SDK1: variants seen among roughly 807,000 people sequenced by gnomAD.
The protein encoded by SDK1 is protein sidekick-1.
A neutral mutation model predicts 245.5 loss-of-function variants in SDK1; 157 were observed. That is an observed-to-expected ratio of 0.64 (90% CI 0.56 to 0.73). The LOEUF is 0.73. Among genes scored for constraint, SDK1 ranks in the 30% least tolerant of loss-of-function variants. The pLI is 0.00. For synonymous variants in SDK1, 1,647 were observed against 1,278.5 expected, an observed-to-expected ratio of 1.29 and a Z score of -6.15; for missense variants, 3,583 against 3,002.3, an observed-to-expected ratio of 1.19 and a Z score of -4.52.
intron 1 of SDK1, among the ~76,000 whole-genome samples, chr7:3,528,878 T>C (rs1783244280): frequency 6.6e-6 from 1 of 152,144 alleles, no homozygotes; most frequent in Non-Finnish European, 1.5e-5. Context: ...TTTTATGGGC[T>C]CTTCCTGATC....
chr7:3,435,413 C>T (rs1054164905), intron 1 of SDK1, among the ~76,000 whole-genome samples: 16 of 146,990 alleles, frequency 1.1e-4, no homozygotes, highest in Non-Finnish European at 1.8e-4. Context: ...TCACTGCAAC[C>T]TCTGCCTCCC....
chr7:3,923,021 C>T (rs1779647594), intron 5 of SDK1, among the ~76,000 whole-genome samples: 1 of 152,228 alleles, frequency 6.6e-6, no homozygotes. Context: ...ATTGTATGCA[C>T]TATCCAGTCT....
At chr7:3,339,569 T>A (rs113942049) in intron 1 of SDK1, among the ~76,000 whole-genome samples, 1 of 152,094 alleles carries the variant, frequency 6.6e-6, no homozygotes, top group South Asian at 2.1e-4. Context: ...CCTACAGAAT[T>A]TGTTCTGTGG....
At position 3,744,827 on chromosome 7, in the gene SDK1, C is replaced by CAA. The variant is rs912254384; in HGVS notation, c.714-76615_714-76614dup. Among the ~76,000 whole-genome samples, 1,136 of 146,422 alleles carry CAA rather than the reference C, an allele frequency of 7.8e-3. 13 individuals are homozygous for CAA. Among genetic ancestry groups the CAA allele is most frequent in the African/African-American group, 0.027 (1,058 of 39,924 alleles). Reference sequence around the variant, plus strand: ...ACTCCATCTCAAAAAAACAAACAAACAAAAAAAAACAAAAAGAAAAAGAAA... The same window carrying CAA: ...ACTCCATCTCAAAAAAACAAACAAACAAAAAAAAAAACAAAAAGAAAAAGAAA... On this transcript the variant is annotated intron_variant, in intron 4 of 44. Coordinates refer to ENST00000404826, the MANE Select transcript of SDK1 (RefSeq NM_152744.4).
intron 2 of SDK1, among the ~76,000 whole-genome samples, chr7:3,621,624 G>T (rs927905349): frequency 6.6e-6 from 1 of 152,116 alleles, no homozygotes; most frequent in African/African-American, 2.4e-5. Context: ...CCAAGAACAG[G>T]CCTTTGTGTA....
intron 5 of SDK1, among the ~76,000 whole-genome samples, chr7:3,941,257 C>G (rs1780358010): frequency 1.3e-5 from 2 of 152,138 alleles, no homozygotes; most frequent in African/African-American, 4.8e-5. Context: ...TTGGACTTTG[C>G]AGCCTTTTCC....
At chr7:4,118,860 A>T (rs1473255183) in intron 25 of SDK1, among the ~76,000 whole-genome samples, 1 of 148,886 alleles carries the variant, frequency 6.7e-6, no homozygotes, top group African/African-American at 2.5e-5. Flanking sequence ...ATTTGTAGGA[A>T]ACATCTAGAA....
chr7:3,956,733 T>C (rs1450347468), intron 7 of SDK1, among the ~76,000 whole-genome samples: 1 of 152,186 alleles, frequency 6.6e-6, no homozygotes, highest in Non-Finnish European at 1.5e-5. Context: ...TGGCATGCTG[T>C]GTGCCAAACA....
chr7:3,941,075 C>T (rs1780350262), intron 5 of SDK1, among the ~76,000 whole-genome samples: 1 of 152,070 alleles, frequency 6.6e-6, no homozygotes, highest in South Asian at 2.1e-4. Flanking sequence ...CGTCTGTCTC[C>T]TGAGCTTTCT....
rs547699996 is a variant in SDK1 at position 3,693,888 on chromosome 7, T to A, written c.713+51783T>A. The stretch of plus-strand genomic sequence containing the variant: ...TCTCATTTTCTCCTTCCTGCACATT[T>A]GTCTCTGCCTTGACCCTGACCTCTG... On this transcript the variant is annotated intron_variant, in intron 4 of 44. Coordinates refer to ENST00000404826, the MANE Select transcript of SDK1 (RefSeq NM_152744.4). Among the ~76,000 whole-genome samples the A allele has an allele frequency of 6.0e-4, 92 of 152,288 alleles. 1 individual carries two copies. Among genetic ancestry groups the A allele is most frequent in the African/African-American group, 2.2e-3 (91 of 41,570 alleles).
chr7:3,918,754 C>T (rs1191960451), intron 5 of SDK1, among the ~76,000 whole-genome samples: 1 of 152,158 alleles, frequency 6.6e-6, no homozygotes. Context: ...ACCTGCATGC[C>T]ACTCAGGTCT....
intron 43 of SDK1, among the ~76,000 whole-genome samples, chr7:4,245,020 G>T (rs1187047322): frequency 6.6e-6 from 1 of 152,202 alleles, no homozygotes; most frequent in Non-Finnish European, 1.5e-5. Flanking sequence ...GATGGGAGTA[G>T]CTGTCCTTCA....
At chr7:3,753,372 T>C (rs555915969) in intron 4 of SDK1, among the ~76,000 whole-genome samples, 8 of 152,312 alleles carry the variant, frequency 5.3e-5, no homozygotes, top group African/African-American at 1.9e-4. Context: ...GATGCAAGCA[T>C]GCAGGTTTCC....
chr7:3,531,017 T>A (rs1783326729), intron 1 of SDK1, among the ~76,000 whole-genome samples: 1 of 152,222 alleles, frequency 6.6e-6, no homozygotes, highest in African/African-American at 2.4e-5. Context: ...GGAATTAAGC[T>A]ATTAGAATAT....
chr7:4,265,852 C>T lies in SDK1; in HGVS notation c.*468C>T. 2 of 990,002 alleles carry T rather than the reference C, an allele frequency of 2.0e-6. No individual in the cohort carries two copies. The highest frequency in any genetic ancestry group is 2.4e-6 in the Non-Finnish European group (2 of 833,404). The allele number at this position is 990,002 out of a possible 1,614,324, so 61.3% of individuals were successfully genotyped here. A position where few individuals can be genotyped will look rare whatever the true frequency, so the allele number is the denominator to read the frequency against. Reference sequence around the variant, plus strand: ...CACACCCTTCTCAACGCAGGACATCCTCGGCGGCTCCTGGGGTTTGAAGAG... The same window carrying T: ...CACACCCTTCTCAACGCAGGACATCTTCGGCGGCTCCTGGGGTTTGAAGAG... On this transcript the variant is annotated 3_prime_UTR_variant, in exon 45 of 45. Transcript: ENST00000404826.
intron 4 of SDK1, among the ~76,000 whole-genome samples, chr7:3,762,890 GTT>G (rs1340503933): frequency 6.6e-6 from 1 of 152,124 alleles, no homozygotes; most frequent in African/African-American, 2.4e-5. Context: ...TTGCCTACAG[GTT>G]TTTAGTCTTA....
chr7:3,947,530 T>TTGTG (rs745830597), intron 5 of SDK1, among the ~76,000 whole-genome samples: 24,904 of 140,240 alleles, frequency 0.18, 2,313 homozygotes, highest in Middle Eastern at 0.25. Context: ...AAGTATTTGC[T>TTGTG]TGTGTGTGTG....
At chr7:3,795,879 G>T (rs1437516663) in intron 4 of SDK1, among the ~76,000 whole-genome samples, 1 of 152,086 alleles carries the variant, frequency 6.6e-6, no homozygotes, top group African/African-American at 2.4e-5. Flanking sequence ...TATCAGAGAG[G>T]GCAATAAATC....
intron 1 of SDK1, among the ~76,000 whole-genome samples, chr7:3,519,064 A>C (rs1430922025): frequency 2.0e-5 from 3 of 152,178 alleles, no homozygotes; most frequent in African/African-American, 7.2e-5. Flanking sequence ...TAAACACCAC[A>C]TATGTTCTCA....
Sources: gnomAD v4.1 joint callset for allele counts (sites outside exome capture counted in the v4.1 genomes callset) on GRCh38, gnomAD v4.1.1 for gene constraint, MANE v1.5 for transcripts, NCBI Gene and HGNC (gene_info 2026-07-23, HGNC 2026-07-21) for gene names.